KBTBD8: variants seen among roughly 807,000 people sequenced by gnomAD.
KBTBD8 encodes kelch repeat and BTB domain-containing protein 8.
A neutral mutation model predicts 53.5 loss-of-function variants in KBTBD8; 31 were observed. The observed-to-expected ratio is 0.58, with a 90% CI of 0.44 to 0.78. The LOEUF is 0.78. Ranked by LOEUF, KBTBD8 falls within the 30% of genes least tolerant of loss-of-function variation. The pLI is 0.00. For missense variants in KBTBD8, 642 were observed against 735.8 expected (o/e 0.87, Z 1.48); for synonymous variants, 250 against 247.3 (o/e 1.01, Z -0.10).
At chr3:67,000,436 T>C (rs571404665) in intron 2 of KBTBD8, among the ~76,000 whole-genome samples, 1 of 152,356 alleles carries the variant, frequency 6.6e-6, no homozygotes, top group East Asian at 1.9e-4. Flanking sequence ...TTACTACTTA[T>C]CAAGCTCTAG....
At chr3:67,005,953 C>G (rs182040739) in intron 3 of KBTBD8, among the ~76,000 whole-genome samples, 1 of 152,268 alleles carries the variant, frequency 6.6e-6, no homozygotes, top group East Asian at 1.9e-4. Context: ...GTTCCTTGCT[C>G]TAATCCTTTA....
chr3:67,003,968 A>G lies in KBTBD8; in HGVS notation c.1001A>G (p.Asp334Gly). The G allele has an allele frequency of 6.2e-7, 1 of 1,614,150 alleles. No individual in the cohort carries two copies. Among genetic ancestry groups the G allele is most frequent in the Non-Finnish European group, 8.5e-7 (1 of 1,180,012 alleles). ...LREVGILVSPDNDIYIAGGYR... is the reference protein window; with the variant it reads ...LREVGILVSPGNDIYIAGGYR... ...GAAGTTGGGATTCTTGTATCACCAG[A>G]TAATGACATTTACATTGCAGGAGGG... The change falls in exon 3 of 4, where the codon GAT becomes GGT. Residue 334 changes from aspartate to glycine, a missense_variant. Physicochemically the swap from Asp to Gly is moderately conservative, Grantham distance 94. Coordinates refer to ENST00000417314, the MANE Select transcript of KBTBD8 (RefSeq NM_032505.3).
rs1416842036 is a variant in KBTBD8, at chr3:67,008,011, G to T, written c.1432G>T (p.Val478Leu). 5 of 1,612,856 alleles carry T rather than the reference G, an allele frequency of 3.1e-6. No homozygotes were observed. The African/African-American group carries it at 6.7e-5, about 22-fold the overall frequency. The change falls in exon 4 of 4, where the codon GTA becomes TTA. Residue 478 changes from valine to leucine, a missense_variant. Physicochemically the swap from Val to Leu is conservative, Grantham distance 32. Transcript: ENST00000417314. ...TVPRIQGLAA[V>L]YKDSIYYIAG... Reference sequence around the variant, plus strand: ...GCCTAGAATCCAGGGCTTAGCAGCTGTATACAAGGACTCTATCTACTACAT... The same window carrying T: ...GCCTAGAATCCAGGGCTTAGCAGCTTTATACAAGGACTCTATCTACTACAT...
At position 67,010,604 on chromosome 3, in the gene KBTBD8, G is replaced by T. The variant is rs1702109112; in HGVS notation, c.*2219G>T. Reference sequence around the variant, plus strand: ...GAATATATATTGAATTTTGTATGAAGAACTATTTGTTTAAATTATATAGCT... The same window carrying T: ...GAATATATATTGAATTTTGTATGAATAACTATTTGTTTAAATTATATAGCT... On this transcript the variant is annotated 3_prime_UTR_variant, in exon 4 of 4. Coordinates refer to ENST00000417314, the MANE Select transcript of KBTBD8 (RefSeq NM_032505.3). 6.6e-6 allele frequency: 1 copy of T among 152,658 alleles called. No homozygotes were observed. 9.5% of individuals were successfully genotyped at this position (152,658 alleles called of 1,614,324 possible). A position where few individuals can be genotyped will look rare whatever the true frequency, so the allele number is the denominator to read the frequency against.
In KBTBD8 at chr3:67,004,115, G is replaced by C. The variant is rs1485051740; in HGVS notation, c.1148G>C (p.Cys383Ser). 6.2e-7 allele frequency: 1 copy of C among 1,614,176 alleles called. No individual in the cohort carries two copies. Among genetic ancestry groups the C allele is most frequent in the South Asian group, 1.1e-5 (1 of 91,086 alleles). The change falls in exon 3 of 4, where the codon TGC becomes TCC. Residue 383 changes from cysteine to serine, a missense_variant. Cys to Ser is a moderately radical substitution (Grantham distance 112). Transcript: ENST00000417314. Reference sequence around the variant, plus strand: ...TCCTTGCTTCGAGCCAGAATAGGCTGCAAACTTGTCTATTGCTGTGGTAAA... The same window carrying C: ...TCCTTGCTTCGAGCCAGAATAGGCTCCAAACTTGTCTATTGCTGTGGTAAA... The part of the protein sequence containing the change: ...KPSLLRARIG[C>S]KLVYCCGKMY...
Position 67,003,570 on chromosome 3 carries a change from C to T in KBTBD8, c.603C>T (p.Asp201=), listed in dbSNP as rs766210748. The T allele has an allele frequency of 6.2e-6, 10 of 1,613,944 alleles. No homozygotes were observed. In the South Asian group the frequency reaches 9.9e-5, roughly 16 times the overall value. The change falls in exon 3 of 4, where the codon GAC becomes GAT. Residue 201 remains aspartate (D), a synonymous_variant. Transcript: ENST00000417314. ...LTKDQLISIL[D]SDDLNVDREE... is the part of the protein sequence containing the mutation. The stretch of plus-strand genomic sequence containing the variant: ...AAGACCAACTGATAAGTATACTAGA[C>T]AGTGACGATTTAAATGTAGACCGAG...
In KBTBD8 at chr3:66,998,345, C is replaced by A. The variant is rs1701980487; in HGVS notation, c.-11C>A. On this transcript the variant is annotated 5_prime_UTR_variant, in exon 1 of 4. Transcript: ENST00000417314. ...CTTTTTAAATAGCTGGAGTCGGGGC[C>A]CCATCGAGAAATGGCCGCGTCGGCA... 2 of 1,295,404 alleles carry A rather than the reference C, an allele frequency of 1.5e-6. No homozygotes were observed. Among genetic ancestry groups the A allele is most frequent in the African/African-American group, 1.5e-5 (1 of 64,846 alleles). The allele number at this position is 1,295,404 out of a possible 1,614,324, so 80.2% of individuals were successfully genotyped here. A position where few individuals can be genotyped will look rare whatever the true frequency, so the allele number is the denominator to read the frequency against.
At chr3:67,007,019 C>T (rs1215128967) in intron 3 of KBTBD8, among the ~76,000 whole-genome samples, 1 of 152,090 alleles carries the variant, frequency 6.6e-6, no homozygotes, top group Admixed American at 6.6e-5. Context: ...CATCACAAAC[C>T]ATGTATGTGT....
Position 67,010,465 on chromosome 3 carries a change from A to G in KBTBD8, c.*2080A>G, listed in dbSNP as rs1702108260. The G allele has an allele frequency of 2.6e-5, 4 of 152,676 alleles. No individual in the cohort carries two copies. The South Asian group carries it at 8.3e-4, about 32-fold the overall frequency. The allele number at this position is 152,676 out of a possible 1,614,324, so 9.5% of individuals were successfully genotyped here. On this transcript the variant is annotated 3_prime_UTR_variant, in exon 4 of 4. Transcript: ENST00000417314. Reference sequence around the variant, plus strand: ...CATACTGTGGCTAATTCAACAGTAGATTTATTCTTTTAGCCTGCACAACAG... The same window carrying G: ...CATACTGTGGCTAATTCAACAGTAGGTTTATTCTTTTAGCCTGCACAACAG...
At chr3:67,005,989 T>A (rs1702061667) in intron 3 of KBTBD8, among the ~76,000 whole-genome samples, 1 of 152,210 alleles carries the variant, frequency 6.6e-6, no homozygotes, top group Non-Finnish European at 1.5e-5. Flanking sequence ...CCTAGTAATA[T>A]CTGAGCTCAT....
At chr3:67,006,148 A>G (rs1266847029) in intron 3 of KBTBD8, among the ~76,000 whole-genome samples, 1 of 152,186 alleles carries the variant, frequency 6.6e-6, no homozygotes, top group Non-Finnish European at 1.5e-5. Flanking sequence ...TCCGTCCAGT[A>G]TACTTGGATA....
intron 3 of KBTBD8, among the ~76,000 whole-genome samples, chr3:67,005,318 G>T (rs1192892636): frequency 2.0e-5 from 3 of 152,150 alleles, no homozygotes; most frequent in Non-Finnish European, 2.9e-5. Context: ...GTCAATGATG[G>T]ATCACATACA....
At position 67,004,268 on chromosome 3, in the gene KBTBD8, A is replaced by T; in HGVS notation, c.1301A>T (p.His434Leu). Residue 434 changes from histidine (H) to leucine (L), a missense_variant, in exon 3 of 4, where the codon CAT becomes CTT. Coordinates refer to ENST00000417314, the MANE Select transcript of KBTBD8 (RefSeq NM_032505.3). ...GCGATGCCAGTTGCAATGGAATTTC[A>T]TAATGCTGTGGAGTACAAAGAGAAG... ...VCAMPVAMEF[H>L]NAVEYKEKIY... 1 of 1,614,230 alleles carries T rather than the reference A, an allele frequency of 6.2e-7. No homozygotes were observed. The highest frequency in any genetic ancestry group is 8.5e-7 in the Non-Finnish European group (1 of 1,180,026).
rs1702095267 is a variant in KBTBD8 at position 67,009,102 on chromosome 3, G to C, written c.*717G>C. ...AAAGTGCTCATATTCACAGGTGGCT[G>C]GTGCTAGTCTAACTTAATTCATGTG... is the stretch of plus-strand genomic sequence containing the variant. On this transcript the variant is annotated 3_prime_UTR_variant, in exon 4 of 4. Transcript: ENST00000417314. 6.6e-6 allele frequency: 1 copy of C among 152,584 alleles called. No homozygotes were observed. Among genetic ancestry groups the C allele is most frequent in the African/African-American group, 2.4e-5 (1 of 41,440 alleles). The allele number at this position is 152,584 out of a possible 1,614,324, so 9.5% of individuals were successfully genotyped here. A position where few individuals can be genotyped will look rare whatever the true frequency, so the allele number is the denominator to read the frequency against.
At chr3:66,999,973 G>A (rs182014320) in intron 2 of KBTBD8, among the ~76,000 whole-genome samples, 20 of 152,294 alleles carry the variant, frequency 1.3e-4, no homozygotes, top group Non-Finnish European at 2.1e-4. Context: ...TAAGATGAGT[G>A]GAAAAGGCAG....
rs1432493814 is a variant in KBTBD8 at position 67,010,941 on chromosome 3, G to T, written c.*2556G>T. The T allele has an allele frequency of 6.6e-6, 1 of 152,428 alleles. No homozygotes were observed. The highest frequency in any genetic ancestry group is 1.5e-5 in the Non-Finnish European group (1 of 67,970). 9.4% of individuals were successfully genotyped at this position (152,428 alleles called of 1,614,324 possible). ...ATTGTATTCTTTATTTTCCATCTTT[G>T]TTTTCTGTTCTACAAAGTTGATGCT... is the stretch of plus-strand genomic sequence containing the variant. On this transcript the variant is annotated 3_prime_UTR_variant, in exon 4 of 4. Transcript: ENST00000417314.
chr3:67,000,595 G>T (rs1702008374), intron 2 of KBTBD8, among the ~76,000 whole-genome samples: 1 of 152,152 alleles, frequency 6.6e-6, no homozygotes. Flanking sequence ...ACAAGTAAAT[G>T]GCAGAGGCTA....
At chr3:67,005,849 C>T (rs759632539) in intron 3 of KBTBD8, among the ~76,000 whole-genome samples, 2 of 151,766 alleles carry the variant, frequency 1.3e-5, no homozygotes, top group African/African-American at 4.8e-5. Flanking sequence ...GTAGAGTCGG[C>T]GTTTCACTAT....
Position 67,004,313 on chromosome 3 carries a change from G to C in KBTBD8, c.1342+4G>C. On this transcript the variant is annotated splice_donor_region_variant and intron_variant, in intron 3 of 3. Coordinates refer to ENST00000417314, the MANE Select transcript of KBTBD8 (RefSeq NM_032505.3). ...GAGAAGATCTATGTTTTACAGGGTA[G>C]GTGCCTAAGTGATTTAGTTTTTCAT... is the stretch of plus-strand genomic sequence containing the variant. The C allele has an allele frequency of 6.2e-7, 1 of 1,606,182 alleles. No individual in the cohort carries two copies.
Sources: gnomAD v4.1 joint callset for allele counts (sites outside exome capture counted in the v4.1 genomes callset) on GRCh38, gnomAD v4.1.1 for gene constraint, MANE v1.5 for transcripts, NCBI Gene and HGNC (gene_info 2026-07-23, HGNC 2026-07-21) for gene names.